The following EGFL7 variants were observed in gnomAD, a reference collection of about 807,000 sequenced individuals.
The protein encoded by EGFL7 is EGF like domain multiple 7.
EGFL7 carries 48 observed loss-of-function variants against 37.1 expected under a neutral mutation model. The observed-to-expected ratio is 1.29, with a 90% confidence interval of 1.03 to 1.65. EGFL7 has a LOEUF of 1.65. EGFL7 is among the 40% of genes most tolerant of loss of function. EGFL7 has a pLI of 0.00. For missense variants in EGFL7, 384 were observed against 378.9 expected (o/e 1.01, Z -0.11); for synonymous variants, 180 against 156.8 (o/e 1.15, Z -1.10).
intron 5 of EGFL7, 115 bp from the exon 6 acceptor site, chr9:136,669,491 A>G: frequency 1.4e-6 from 1 of 717,238 alleles, no homozygotes. Flanking sequence ...TGAGGAGAAG[A>G]CCCTTGGGGG....
At chr9:136,659,010 G>A, upstream of EGFL7, 1 of 152,220 alleles carries the variant, frequency 6.6e-6, no homozygotes, top group East Asian at 1.9e-4. Flanking sequence ...CGAGGCTCAG[G>A]CGCCCGGACT....
intron 3 of EGFL7, among the ~76,000 whole-genome samples, chr9:136,667,486 C>T (rs1003181496): frequency 6.6e-6 from 1 of 152,210 alleles, no homozygotes; most frequent in Non-Finnish European, 1.5e-5. Flanking sequence ...AAGCCTCACC[C>T]GGGCCCCTGG....
chr9:136,666,230 C>G lies in EGFL7; in HGVS notation c.-43+1445C>G, dbSNP rs1270778591. 2.0e-5 allele frequency among the ~76,000 whole-genome samples: 3 copies of G among 151,436 alleles called. No individual in the cohort carries two copies. Among genetic ancestry groups the G allele is most frequent in the African/African-American group, 7.3e-5 (3 of 41,368 alleles). On this transcript the variant is annotated intron_variant, in intron 3 of 10. Coordinates refer to ENST00000308874, the MANE Select transcript of EGFL7 (RefSeq NM_016215.5). This position sits in a 1 kb window ranked among gnomAD's most constrained non-coding sequence, Gnocchi z 6.8. The stretch of plus-strand genomic sequence containing the variant: ...GGGAGGGGGCGGCGGGCAGGTCCGT[C>G]TCGCTCCGCCTCTGCGCCCTCCCTC...
At position 136,672,295 on chromosome 9, in the gene EGFL7, C is replaced by T. The variant is rs375782632; in HGVS notation, c.*9C>T. On this transcript the variant is annotated 3_prime_UTR_variant, in exon 11 of 11. Coordinates refer to ENST00000308874, the MANE Select transcript of EGFL7 (RefSeq NM_016215.5). ...GCAAGAAAGACTCGTGACTGCCCAG[C>T]GCCCCAGGCTGGACTGAGCCCCTCA... 137 of 1,613,214 alleles carry T rather than the reference C, an allele frequency of 8.5e-5. 1 individual carries two copies. In the South Asian group the frequency reaches 1.3e-3, roughly 15 times the overall value.
At position 136,669,648 on chromosome 9, in the gene EGFL7, C is replaced by T; in HGVS notation, c.240C>T (p.Ala80=). 6.2e-7 allele frequency: 1 copy of T among 1,611,302 alleles called. No individual in the cohort carries two copies. Among genetic ancestry groups the T allele is most frequent in the Non-Finnish European group, 8.5e-7 (1 of 1,179,472 alleles). The change falls in exon 6 of 11, where the codon GCC becomes GCT. Residue 80 remains alanine, a synonymous_variant. Coordinates refer to ENST00000308874, the MANE Select transcript of EGFL7 (RefSeq NM_016215.5). ...RTAYRRSPGL[A]PARPRYACCP... ...CCTACCGCCGCAGCCCTGGGCTGGC[C>T]CCTGCCAGGCCTCGCTACGCGTGCT... is the stretch of plus-strand genomic sequence containing the variant.
chr9:136,664,088 G>C (rs1462015139), intron 2 of EGFL7, among the ~76,000 whole-genome samples: 2 of 152,182 alleles, frequency 1.3e-5, no homozygotes, highest in African/African-American at 4.8e-5. Context: ...ACACTTCACT[G>C]CTGGGGGCTA....
chr9:136,668,400 G>A, intron 4 of EGFL7, 38 bp downstream of exon 4: 1 of 1,543,360 alleles, frequency 6.5e-7, no homozygotes, highest in Non-Finnish European at 8.8e-7. Flanking sequence ...TGGGGTGGGG[G>A]GACCGGGAGC....
intron 5 of EGFL7, among the ~76,000 whole-genome samples, chr9:136,668,894 G>A (rs971148187): frequency 2.6e-5 from 4 of 152,256 alleles, no homozygotes; most frequent in East Asian, 1.9e-4. Flanking sequence ...GCCCCGACAC[G>A]TCTCAAAGGA....
chr9:136,670,906 G>A, intron 8 of EGFL7, 44 bp from the exon 9 acceptor site: 1 of 1,533,510 alleles, frequency 6.5e-7, no homozygotes, highest in Non-Finnish European at 8.8e-7. Context: ...GGGTGTGGGT[G>A]GGGAGCCGGC....
rs375816376 is a variant in EGFL7, at chr9:136,670,160, T to A, written c.410-9T>A. On this transcript the variant is annotated splice_polypyrimidine_tract_variant and intron_variant, in intron 7 of 10. Transcript: ENST00000308874. ...CAGGCATGGCCGCCTGACACCCCGT[T>A]TCCTGCAGATGTGGATGAATGCAGT... The A allele has an allele frequency of 1.6e-5, 26 of 1,612,536 alleles. No homozygotes were observed. Among genetic ancestry groups the A allele is most frequent in the Non-Finnish European group, 2.1e-5 (25 of 1,179,896 alleles).
At chr9:136,664,354 C>T (rs2119086295) in intron 2 of EGFL7, among the ~76,000 whole-genome samples, 1 of 152,314 alleles carries the variant, frequency 6.6e-6, no homozygotes, top group East Asian at 1.9e-4. Flanking sequence ...AGCTGGTGGC[C>T]CTCTCGGACC....
At chr9:136,669,748 G>C in intron 6 of EGFL7, 27 bp downstream of exon 6, 1 of 1,524,134 alleles carries the variant, frequency 6.6e-7, no homozygotes, top group Non-Finnish European at 8.9e-7. Context: ...TCGGCGCCCG[G>C]TGTTAGGAGG....
At chr9:136,668,729 C>T in intron 5 of EGFL7, 56 bp downstream of exon 5, 1 of 1,429,342 alleles carries the variant, frequency 7.0e-7, no homozygotes, top group Non-Finnish European at 9.7e-7. Flanking sequence ...GTCGGCCACA[C>T]ATCAGCATGT....
In EGFL7 at chr9:136,671,008, G is replaced by A. The variant is rs1396013821; in HGVS notation, c.630G>A (p.Leu210=). The A allele has an allele frequency of 3.5e-6, 5 of 1,425,174 alleles. No homozygotes were observed. The highest frequency in any genetic ancestry group is 1.5e-5 in the African/African-American group (1 of 66,798). 88.3% of individuals were successfully genotyped at this position (1,425,174 alleles called of 1,614,324 possible). ...GGCTGCAGTCCAGGGTGGACCTGCT[G>A]GAGGAGGTGAGGCATTGGTGGGGGG... ...VQRLQSRVDL[L]EEKLQLVLAP... The change falls in exon 9 of 11, where the codon CTG becomes CTA. Residue 210 remains leucine, a synonymous_variant. Coordinates refer to ENST00000308874, the MANE Select transcript of EGFL7 (RefSeq NM_016215.5).
At chr9:136,665,489 C>G (rs954700141) in intron 3 of EGFL7, among the ~76,000 whole-genome samples, 7 of 152,210 alleles carry the variant, frequency 4.6e-5, no homozygotes, top group African/African-American at 1.7e-4. Context: ...TCTCCTGGCT[C>G]CTGGCGGCCG....
chr9:136,669,580 T>G (rs746640865), intron 5 of EGFL7, 26 bp from the exon 6 acceptor site: 1 of 1,558,474 alleles, frequency 6.4e-7, no homozygotes, highest in South Asian at 1.1e-5. Context: ...AGGATGCCCC[T>G]CTGAGCTGTC....
chr9:136,668,553 G>A lies in EGFL7; in HGVS notation c.81-4G>A, dbSNP rs768123998. 107 of 1,607,608 alleles carry A rather than the reference G, an allele frequency of 6.7e-5. No homozygotes were observed. The highest frequency in any genetic ancestry group is 4.2e-4 in the South Asian group (38 of 91,068). ...CTGGGCTGACCCCCTCTCCACCCCC[G>A]CAGCCGTAGGGTGTGTGCTGTCCGG... On this transcript the variant is annotated splice_polypyrimidine_tract_variant and splice_region_variant and intron_variant, in intron 4 of 10. Transcript: ENST00000308874.
At position 136,662,971 on chromosome 9, in the gene EGFL7, C is replaced by G. The variant is rs892176301; in HGVS notation, c.-490C>G. On this transcript the variant is annotated 5_prime_UTR_variant, in exon 1 of 11. Coordinates refer to ENST00000308874, the MANE Select transcript of EGFL7 (RefSeq NM_016215.5). ...CGGCTGCAAGGGAGGCTCCTGTGGACAGGCCAGGCAGGTGGGCCTCAGGAG... is the reference window on the plus strand; with the variant it reads ...CGGCTGCAAGGGAGGCTCCTGTGGAGAGGCCAGGCAGGTGGGCCTCAGGAG... The G allele has an allele frequency of 5.9e-5, 9 of 152,332 alleles. No individual in the cohort carries two copies. The highest frequency in any genetic ancestry group is 1.9e-4 in the African/African-American group (8 of 41,462). 9.4% of individuals were successfully genotyped at this position (152,332 alleles called of 1,614,324 possible). A position where few individuals can be genotyped will look rare whatever the true frequency, so the allele number is the denominator to read the frequency against.
chr9:136,666,638 T>C lies in EGFL7; in HGVS notation c.-42-1603T>C, dbSNP rs1845497144. Among the ~76,000 whole-genome samples the C allele has an allele frequency of 6.6e-6, 1 of 150,992 alleles. No homozygotes were observed. The highest frequency in any genetic ancestry group is 6.6e-5 in the Admixed American group (1 of 15,198). On this transcript the variant is annotated intron_variant, in intron 3 of 10. Transcript: ENST00000308874. The surrounding 1 kb of genome is among the most constrained non-coding windows in gnomAD (Gnocchi z 6.8). The stretch of plus-strand genomic sequence containing the variant: ...TCTCAGGAATTGTGGGGGGGAGCTG[T>C]GCCAATATGTGTGGGGGGCAATGAG...
Sources: allele counts gnomAD v4.1 joint callset (sites outside exome capture counted in the v4.1 genomes callset), GRCh38; gene constraint gnomAD v4.1.1; non-coding constraint Gnocchi (gnomAD v3.1); transcripts MANE v1.5; gene names NCBI Gene and HGNC (gene_info 2026-07-23, HGNC 2026-07-21).